Variants in TRIM45 observed in about 807,000 individuals in gnomAD.
TRIM45 encodes the protein E3 ubiquitin-protein ligase TRIM45.
A neutral mutation model predicts 46.7 loss-of-function variants in TRIM45; 45 were observed. The ratio of observed to expected loss-of-function variants is 0.96; its 90% CI spans 0.76 to 1.24. The LOEUF is 1.24. Ranked by LOEUF, TRIM45 falls within the 50% of genes most tolerant of loss-of-function variation. The pLI is 0.00. For synonymous variants in TRIM45, 259 were observed against 285.8 expected (o/e 0.91, Z 0.94); for missense variants, 680 against 728.4 (o/e 0.93, Z 0.77).
rs1271758826 is a variant in TRIM45 at position 117,115,725 on chromosome 1, C to A, written c.1353-36G>T. The A allele has an allele frequency of 6.8e-7, 1 of 1,462,212 alleles. No individual in the cohort carries two copies. Among genetic ancestry groups the A allele is most frequent in the Non-Finnish European group, 9.6e-7 (1 of 1,041,958 alleles). The allele number at this position is 1,462,212 out of a possible 1,614,324, so 90.6% of individuals were successfully genotyped here. Reference sequence around the variant, plus strand: ...ATAAGAGTCAAAACACCACTCACTTCCACAAGCTGGCTTCAGTTGCTACTA... The same window carrying A: ...ATAAGAGTCAAAACACCACTCACTTACACAAGCTGGCTTCAGTTGCTACTA... On this transcript the variant is annotated intron_variant, in intron 3 of 5. Coordinates refer to ENST00000256649, the MANE Select transcript of TRIM45 (RefSeq NM_025188.4). The surrounding 1 kb of genome is among the most constrained non-coding windows in gnomAD (Gnocchi z 4.2).
At chr1:117,121,960 G>A, upstream of TRIM45, 1 of 631,074 alleles carries the variant, frequency 1.6e-6, no homozygotes, top group African/African-American at 1.9e-5. The surrounding 1 kb of genome is among the most constrained non-coding windows in gnomAD (Gnocchi z 4.2). Context: ...AGGGCTTAGA[G>A]TGCGGCGGGA....
At position 117,116,953 on chromosome 1, in the gene TRIM45, G is replaced by A. The variant is rs1005062937; in HGVS notation, c.1223-208C>T. 6.6e-6 allele frequency among the ~76,000 whole-genome samples: 1 copy of A among 151,902 alleles called. No individual in the cohort carries two copies. Among genetic ancestry groups the A allele is most frequent in the Non-Finnish European group, 1.5e-5 (1 of 67,984 alleles). On this transcript the variant is annotated intron_variant, in intron 2 of 5. Coordinates refer to ENST00000256649, the MANE Select transcript of TRIM45 (RefSeq NM_025188.4). This position sits in a 1 kb window ranked among gnomAD's most constrained non-coding sequence, Gnocchi z 4.6. ...GGTTCTCTCAGCTAGCAGCTGCTTTGGATCACACAGGATCCTGGACCTTAC... is the reference window on the plus strand; with the variant it reads ...GGTTCTCTCAGCTAGCAGCTGCTTTAGATCACACAGGATCCTGGACCTTAC...
At position 117,118,491 on chromosome 1, in the gene TRIM45, G is replaced by T. The variant is rs1246974589; in HGVS notation, c.765C>A (p.Ala255=). 9 of 1,614,006 alleles carry T rather than the reference G, an allele frequency of 5.6e-6. No homozygotes were observed. The highest frequency in any genetic ancestry group is 7.6e-6 in the Non-Finnish European group (9 of 1,180,050). Residue 255 remains alanine, a synonymous_variant, in exon 2 of 6, where the codon GCC becomes GCA. Coordinates refer to ENST00000256649, the MANE Select transcript of TRIM45 (RefSeq NM_025188.4). This position sits in a 1 kb window ranked among gnomAD's most constrained non-coding sequence, Gnocchi z 5.7. ...TGTTTATTATGTGGATCTGAGCCAG[G>T]GCTTCCTCCAGGGCCTCCACGTGGG... ...TQPHVEALEE[A]LAQIHIINSA...
Position 117,117,477 on chromosome 1 carries a change from T to C in TRIM45, c.1222+557A>G, listed in dbSNP as rs189253916. On this transcript the variant is annotated intron_variant, in intron 2 of 5. Coordinates refer to ENST00000256649, the MANE Select transcript of TRIM45 (RefSeq NM_025188.4). The surrounding 1 kb of genome is among the most constrained non-coding windows in gnomAD (Gnocchi z 4.9). ...CTGTGAAACATATGTTTTAATAATA[T>C]GCTTCCATTAGAAAGGGAACACTCG... Among the ~76,000 whole-genome samples, 107 of 152,322 alleles carry C rather than the reference T, an allele frequency of 7.0e-4. No individual in the cohort carries two copies. The highest frequency in any genetic ancestry group is 2.5e-3 in the African/African-American group (102 of 41,558).
In TRIM45 at chr1:117,111,162, C is replaced by CA. The variant is rs1650194700; in HGVS notation, c.*1142dup. 1 of 152,154 alleles carries CA rather than the reference C, an allele frequency of 6.6e-6. No individual in the cohort carries two copies. Among genetic ancestry groups the CA allele is most frequent in the African/African-American group, 2.4e-5 (1 of 41,420 alleles). The allele number at this position is 152,154 out of a possible 1,614,324, so 9.4% of individuals were successfully genotyped here. A position where few individuals can be genotyped will look rare whatever the true frequency, so the allele number is the denominator to read the frequency against. On this transcript the variant is annotated 3_prime_UTR_variant, in exon 6 of 6. Transcript: ENST00000256649. ...GAAGACCTTGGCAGGGCTGAGGCACCAGTGCTGTGTACATCCTCTCCCCAA... is the reference window on the plus strand; with the variant it reads ...GAAGACCTTGGCAGGGCTGAGGCACCAAGTGCTGTGTACATCCTCTCCCCAA...
At chr1:117,120,015 G>GT (rs1275805892) in intron 1 of TRIM45, among the ~76,000 whole-genome samples, 1 of 152,148 alleles carries the variant, frequency 6.6e-6, no homozygotes, top group Non-Finnish European at 1.5e-5. Context: ...ATGGGGTAAG[G>GT]TAAGAGTACG....
Position 117,118,856 on chromosome 1 carries a change from G to A in TRIM45, c.489-89C>T. The stretch of plus-strand genomic sequence containing the variant: ...GAGAGATTTTAGGAGCACAGGATCT[G>A]AAGTTAAACAAACCTGATTTCAATT... On this transcript the variant is annotated intron_variant, in intron 1 of 5. Transcript: ENST00000256649. This position sits in a 1 kb window ranked among gnomAD's most constrained non-coding sequence, Gnocchi z 5.7. The A allele has an allele frequency of 6.7e-7, 1 of 1,484,110 alleles. No homozygotes were observed. The highest frequency in any genetic ancestry group is 9.1e-7 in the Non-Finnish European group (1 of 1,104,808). The allele number at this position is 1,484,110 out of a possible 1,614,324, so 91.9% of individuals were successfully genotyped here.
At chr1:117,112,951 C>T (rs190426978) in intron 5 of TRIM45, among the ~76,000 whole-genome samples, 4 of 152,152 alleles carry the variant, frequency 2.6e-5, no homozygotes, top group East Asian at 1.9e-4. Flanking sequence ...TTCTGTCCCC[C>T]GAAAGACCCA....
At position 117,121,630 on chromosome 1, in the gene TRIM45, T is replaced by C; in HGVS notation, c.-429A>G. 1 of 381,506 alleles carries C rather than the reference T, an allele frequency of 2.6e-6. No homozygotes were observed. The highest frequency in any genetic ancestry group is 4.8e-6 in the Non-Finnish European group (1 of 207,598). 23.6% of individuals were successfully genotyped at this position (381,506 alleles called of 1,614,324 possible). A position where few individuals can be genotyped will look rare whatever the true frequency, so the allele number is the denominator to read the frequency against. On this transcript the variant is annotated 5_prime_UTR_variant, in exon 1 of 6. Coordinates refer to ENST00000256649, the MANE Select transcript of TRIM45 (RefSeq NM_025188.4). The surrounding 1 kb of genome is among the most constrained non-coding windows in gnomAD (Gnocchi z 4.2). ...CCCGCGCACGATGAGGTAGGGGCCC[T>C]CTTGCTCCTTCCCTCTGCGAAAGGC...
chr1:117,120,745 T>A lies in TRIM45; in HGVS notation c.457A>T (p.Asn153Tyr). The change falls in exon 1 of 6, where the codon AAC becomes TAC. Residue 153 changes from asparagine to tyrosine, a missense_variant. Transcript: ENST00000256649. ...VEKRCQTCKA[N>Y]LCHFCCQAHR... ...GCCTGGCAGCAGAAGTGGCAGAGGT[T>A]GGCTTTGCAGGTCTGACACCTCTTC... 1 of 1,612,212 alleles carries A rather than the reference T, an allele frequency of 6.2e-7. No individual in the cohort carries two copies. Among genetic ancestry groups the A allele is most frequent in the Admixed American group, 1.7e-5 (1 of 59,938 alleles).
upstream of TRIM45, chr1:117,122,079 A>G (rs1650671414): frequency 1.5e-5 from 6 of 388,486 alleles, no homozygotes. Flanking sequence ...ACCTCTTAAA[A>G]AGCCACGCTG....
chr1:117,113,240 T>TGTGCTTCCTAGAAACA lies in TRIM45; in HGVS notation c.1594+103_1594+118dup, dbSNP rs1553202922. On this transcript the variant is annotated intron_variant, in intron 5 of 5. Coordinates refer to ENST00000256649, the MANE Select transcript of TRIM45 (RefSeq NM_025188.4). The surrounding 1 kb of genome is among the most constrained non-coding windows in gnomAD (Gnocchi z 4.0). ...CAGTGGTGTCTCTACAATCACAGAC[T>TGTGCTTCCTAGAAACA]GTGCTTCCTAGAAACAGAGCCTAAG... The TGTGCTTCCTAGAAACA allele has an allele frequency of 1.4e-6, 2 of 1,393,050 alleles. No homozygotes were observed. The highest frequency in any genetic ancestry group is 2.9e-5 in the African/African-American group (2 of 69,784). 86.3% of individuals were successfully genotyped at this position (1,393,050 alleles called of 1,614,324 possible). A position where few individuals can be genotyped will look rare whatever the true frequency, so the allele number is the denominator to read the frequency against.
rs1650407778 is a variant in TRIM45, at chr1:117,116,524, C to A, written c.1352+92G>T. ...AAAGTGCTGGGATTACAGGCATGAG[C>A]CACTGTGCCCAGCTCCAATATCTTA... On this transcript the variant is annotated intron_variant, in intron 3 of 5. Coordinates refer to ENST00000256649, the MANE Select transcript of TRIM45 (RefSeq NM_025188.4). This position sits in a 1 kb window ranked among gnomAD's most constrained non-coding sequence, Gnocchi z 4.6. The A allele has an allele frequency of 1.3e-6, 2 of 1,518,792 alleles. No individual in the cohort carries two copies. The highest frequency in any genetic ancestry group is 1.8e-5 in the Admixed American group (1 of 55,786). 94.1% of individuals were successfully genotyped at this position (1,518,792 alleles called of 1,614,324 possible).
At chr1:117,123,041 GAAA>G (rs11355900), upstream of TRIM45, among the ~76,000 whole-genome samples, 1,545 of 140,772 alleles carry the variant, frequency 0.011, 10 homozygotes, top group Middle Eastern at 0.029. Context: ...CCCAAAATAT[GAAA>G]AAAAAAAAAA....
Position 117,120,842 on chromosome 1 carries a change from A to G in TRIM45, c.360T>C (p.Asp120=). 3.1e-6 allele frequency: 5 copies of G among 1,614,168 alleles called. No individual in the cohort carries two copies. The highest frequency in any genetic ancestry group is 3.4e-6 in the Non-Finnish European group (4 of 1,180,026). The change falls in exon 1 of 6, where the codon GAT becomes GAC. Residue 120 remains aspartate, a synonymous_variant. Transcript: ENST00000256649. ...CCCCACGTAGGCTCTCCAGCATCAC[A>G]TCATTCACGGCCAGGTGGTCTATGG... is the stretch of plus-strand genomic sequence containing the variant. ...ALTIDHLAVN[D]VMLESLRGEG...
Position 117,116,514 on chromosome 1 carries a change from C to T in TRIM45, c.1352+102G>A. 2.0e-6 allele frequency: 3 copies of T among 1,475,256 alleles called. No homozygotes were observed. The highest frequency in any genetic ancestry group is 2.8e-6 in the Non-Finnish European group (3 of 1,088,640). The allele number at this position is 1,475,256 out of a possible 1,614,324, so 91.4% of individuals were successfully genotyped here. On this transcript the variant is annotated intron_variant, in intron 3 of 5. Transcript: ENST00000256649. The surrounding 1 kb of genome is among the most constrained non-coding windows in gnomAD (Gnocchi z 4.6). The stretch of plus-strand genomic sequence containing the variant: ...TCCACTTCCCAAAGTGCTGGGATTA[C>T]AGGCATGAGCCACTGTGCCCAGCTC...
intron 5 of TRIM45, 145 bp from the exon 6 acceptor site, chr1:117,112,598 G>T (rs763692048): frequency 8.8e-5 from 67 of 761,096 alleles, no homozygotes; most frequent in Non-Finnish European, 1.0e-4. Context: ...AGAGGAACAA[G>T]CTGTCTGACT....
rs1341705082 is a variant in TRIM45 at position 117,121,150 on chromosome 1, C to T, written c.52G>A (p.Gly18Arg). 1.9e-6 allele frequency: 3 copies of T among 1,594,150 alleles called. No individual in the cohort carries two copies. In the Admixed American group the frequency reaches 5.4e-5, roughly 29 times the overall value. Residue 18 changes from glycine to arginine, a missense_variant, in exon 1 of 6, where the codon GGG (glycine) becomes AGG (arginine). Physicochemically the swap from Gly to Arg is moderately radical, Grantham distance 125. Transcript: ENST00000256649. The surrounding 1 kb of genome is among the most constrained non-coding windows in gnomAD (Gnocchi z 4.2). Reference sequence around the variant, plus strand: ...TTGCCTGAGTTCCCAAGTGCAGTCCCACTAGTGAGTTTGCTTACAAAGCCC... The same window carrying T: ...TTGCCTGAGTTCCCAAGTGCAGTCCTACTAGTGAGTTTGCTTACAAAGCCC... ...LLGFVSKLTS[G>R]TALGNSGKTH...
upstream of TRIM45, among the ~76,000 whole-genome samples, chr1:117,123,512 C>CA (rs145992488): frequency 0.016 from 2,425 of 152,250 alleles, 76 homozygotes; most frequent in African/African-American, 0.056. Context: ...GAAATGGCCT[C>CA]AAAGAGGTCT....
Sources: allele counts gnomAD v4.1 joint callset (sites outside exome capture counted in the v4.1 genomes callset), GRCh38; gene constraint gnomAD v4.1.1; non-coding constraint Gnocchi (gnomAD v3.1); transcripts MANE v1.5; gene names NCBI Gene and HGNC (gene_info 2026-07-23, HGNC 2026-07-21).